CDK14: variants seen among roughly 807,000 people sequenced by gnomAD.
CDK14 encodes cyclin-dependent kinase 14.
In CDK14, 34 loss-of-function variants were observed where a neutral mutation model predicts 60.7. The ratio of observed to expected loss-of-function variants is 0.56; its 90% CI spans 0.43 to 0.75. The LOEUF (loss-of-function observed/expected upper bound fraction) is 0.75, where lower values mean the gene tolerates loss of function less well. CDK14 is among the 30% of genes least tolerant of loss of function. CDK14 has a pLI of 0.00. For missense variants in CDK14, 482 were observed against 564.1 expected, an observed-to-expected ratio of 0.85 and a Z score of 1.47; for synonymous variants, 197 against 203.7, an observed-to-expected ratio of 0.97 and a Z score of 0.28.
At chr7:90,873,828 T>C (rs1221675063) in intron 6 of CDK14, among the ~76,000 whole-genome samples, 1 of 152,178 alleles carries the variant, frequency 6.6e-6, no homozygotes, top group East Asian at 1.9e-4. Context: ...AATTTGGTTT[T>C]TTTTCTCATT....
At chr7:90,941,423 A>G (rs1410220619) in intron 8 of CDK14, among the ~76,000 whole-genome samples, 2 of 152,094 alleles carry the variant, frequency 1.3e-5, no homozygotes, top group African/African-American at 2.4e-5. Flanking sequence ...GGGCTCCTCA[A>G]CATGGGCCCT....
chr7:90,790,150 GA>G, intron 4 of CDK14, among the ~76,000 whole-genome samples: 1 of 151,478 alleles, frequency 6.6e-6, no homozygotes, highest in East Asian at 1.9e-4. Context: ...CTGTCCTTGG[GA>G]ATTGAATGAC....
At chr7:91,018,786 T>C (rs1796365971) in intron 10 of CDK14, among the ~76,000 whole-genome samples, 1 of 152,224 alleles carries the variant, frequency 6.6e-6, no homozygotes, top group African/African-American at 2.4e-5. Context: ...TGTTCCTCCA[T>C]GATTGTGAAT....
At chr7:90,809,556 A>C (rs1474559934) in intron 5 of CDK14, among the ~76,000 whole-genome samples, 1 of 152,220 alleles carries the variant, frequency 6.6e-6, no homozygotes, top group African/African-American at 2.4e-5. Flanking sequence ...ATCACAAATT[A>C]AAAGAACTAG....
chr7:90,702,904 C>T (rs1801817966), intron 2 of CDK14, among the ~76,000 whole-genome samples: 1 of 151,934 alleles, frequency 6.6e-6, no homozygotes, highest in African/African-American at 2.4e-5. Flanking sequence ...TGAGATTTTC[C>T]TAATTTTTCA....
At chr7:90,730,432 C>T in intron 3 of CDK14, among the ~76,000 whole-genome samples, 1 of 152,228 alleles carries the variant, frequency 6.6e-6, no homozygotes, top group East Asian at 1.9e-4. Flanking sequence ...AATTGCCACA[C>T]TGTCTTCCAC....
intron 2 of CDK14, among the ~76,000 whole-genome samples, chr7:90,711,506 GA>G (rs1306904325): frequency 1.3e-5 from 2 of 151,832 alleles, no homozygotes; most frequent in Non-Finnish European, 2.9e-5. Flanking sequence ...TCCTGTGACA[GA>G]AGGAATTGTA....
chr7:90,890,268 G>A (rs2035167042), intron 6 of CDK14, among the ~76,000 whole-genome samples: 1 of 152,194 alleles, frequency 6.6e-6, no homozygotes, highest in Non-Finnish European at 1.5e-5. Context: ...AGCTACTTGG[G>A]AGGCTAAAGA....
intron 9 of CDK14, among the ~76,000 whole-genome samples, chr7:90,982,799 T>G (rs575726041): frequency 5.3e-5 from 8 of 152,122 alleles, no homozygotes; most frequent in Non-Finnish European, 1.0e-4. Context: ...AGTGGGTAGG[T>G]TATGGGATCT....
chr7:90,876,872 CAG>C (rs1161923923), intron 6 of CDK14, among the ~76,000 whole-genome samples: 1 of 152,140 alleles, frequency 6.6e-6, no homozygotes, highest in Non-Finnish European at 1.5e-5. Context: ...TATCAGTTGT[CAG>C]AGTTTATCAA....
chr7:90,770,877 C>T (rs1804759240), intron 4 of CDK14, among the ~76,000 whole-genome samples: 1 of 152,128 alleles, frequency 6.6e-6, no homozygotes, highest in African/African-American at 2.4e-5. Context: ...TTGTCAGGCT[C>T]CTCCAGGCCC....
intron 6 of CDK14, among the ~76,000 whole-genome samples, chr7:90,892,682 T>C (rs1436365021): frequency 6.6e-6 from 1 of 152,212 alleles, no homozygotes; most frequent in African/African-American, 2.4e-5. Context: ...CCTCCTCGGA[T>C]TCCTTCCCCT....
chr7:90,596,742 C>G lies in CDK14; in HGVS notation c.91+24C>G, dbSNP rs756473872. 79 of 1,575,512 alleles carry G rather than the reference C, an allele frequency of 5.0e-5. No homozygotes were observed. In the African/African-American group the frequency reaches 7.0e-4, roughly 14 times the overall value. Reference sequence around the variant, plus strand: ...TGGTGAGTAGCGCGCTGCCCCCGGCCCCCCCAGCGCCCGCTCCCCTCGGCC... The same window carrying G: ...TGGTGAGTAGCGCGCTGCCCCCGGCGCCCCCAGCGCCCGCTCCCCTCGGCC... On this transcript the variant is annotated intron_variant, in intron 1 of 14. Transcript: ENST00000380050.
chr7:90,671,460 A>AT (rs955181248), intron 2 of CDK14, among the ~76,000 whole-genome samples: 3 of 151,998 alleles, frequency 2.0e-5, no homozygotes, highest in African/African-American at 7.2e-5. Flanking sequence ...TAAAGAAAGA[A>AT]TTTTTTTTCC....
chr7:91,036,135 G>A (rs562466544), intron 10 of CDK14, among the ~76,000 whole-genome samples: 10 of 152,252 alleles, frequency 6.6e-5, no homozygotes, highest in Admixed American at 2.6e-4. Context: ...GAGCCACTGC[G>A]CCCAGCTGCT....
intron 10 of CDK14, among the ~76,000 whole-genome samples, chr7:91,034,216 T>C (rs1796846637): frequency 6.6e-6 from 1 of 152,160 alleles, no homozygotes; most frequent in Non-Finnish European, 1.5e-5. Flanking sequence ...AGAGACTGTC[T>C]AGTTAAATTG....
chr7:91,202,465 A>G (rs1802759489), intron 14 of CDK14, among the ~76,000 whole-genome samples: 1 of 152,230 alleles, frequency 6.6e-6, no homozygotes, highest in Non-Finnish European at 1.5e-5. Flanking sequence ...TGTGCATGCA[A>G]CATGTTTTAA....
chr7:90,878,170 A>G (rs937596084), intron 6 of CDK14, among the ~76,000 whole-genome samples: 1 of 152,090 alleles, frequency 6.6e-6, no homozygotes, highest in Non-Finnish European at 1.5e-5. Context: ...ACTGTCTTAT[A>G]GAGTATATCA....
chr7:90,758,351 C>T (rs942796159), intron 4 of CDK14, among the ~76,000 whole-genome samples: 12 of 152,092 alleles, frequency 7.9e-5, no homozygotes, highest in African/African-American at 2.9e-4. Flanking sequence ...GACTGCTGAT[C>T]TCTCTTCTGG....
Sources: gnomAD v4.1 joint callset for allele counts (sites outside exome capture counted in the v4.1 genomes callset) on GRCh38, gnomAD v4.1.1 for gene constraint, MANE v1.5 for transcripts, NCBI Gene and HGNC (gene_info 2026-07-23, HGNC 2026-07-21) for gene names.